The following SLC30A10 variants were observed in gnomAD, a reference collection of about 807,000 sequenced individuals.
The protein encoded by SLC30A10 is calcium/manganese antiporter SLC30A10.
A neutral mutation model predicts 21.7 loss-of-function variants in SLC30A10; 8 were observed. That is an observed-to-expected ratio of 0.37 (90% CI 0.22 to 0.67). The LOEUF (loss-of-function observed/expected upper bound fraction) is 0.67. SLC30A10 is among the 30% of genes least tolerant of loss of function. The pLI, the probability that SLC30A10 is intolerant of heterozygous loss-of-function variation, is 0.58. For synonymous variants in SLC30A10, 272 were observed against 279.4 expected (o/e 0.97, Z 0.26); for missense variants, 521 against 642.5 (o/e 0.81, Z 2.04).
At chr1:219,934,949 G>A (rs559904912) in intron 1 of SLC30A10, among the ~76,000 whole-genome samples, 13 of 152,294 alleles carry the variant, frequency 8.5e-5, no homozygotes, top group African/African-American at 1.2e-4. Flanking sequence ...GTGAAAACAC[G>A]AAAATGAAAG....
intron 2 of SLC30A10, 116 bp downstream of exon 2, chr1:219,926,912 G>T: frequency 1.3e-6 from 1 of 752,192 alleles, no homozygotes. Context: ...GTCTATGCAT[G>T]TAACTGGCCT....
chr1:219,925,058 G>C (rs987566797), intron 2 of SLC30A10, among the ~76,000 whole-genome samples: 1 of 152,128 alleles, frequency 6.6e-6, no homozygotes, highest in African/African-American at 2.4e-5. Context: ...GCCCAGCCAG[G>C]TATAGCAAGG....
In SLC30A10 at chr1:219,911,149, G is replaced by GTTTTT; in HGVS notation, c.*4295_*4299dup. ...ATGTTTCTTCATTTTTTCTACATCA[G>GTTTTT]TTTTTTTTTTTTTTTTTTTTTTTTT... On this transcript the variant is annotated 3_prime_UTR_variant, in exon 4 of 4. Transcript: ENST00000366926. Among the ~76,000 whole-genome samples, 581 of 49,266 alleles carry GTTTTT rather than the reference G, an allele frequency of 0.012. 57 individuals are homozygous for GTTTTT. Among genetic ancestry groups the GTTTTT allele is most frequent in the African/African-American group, 0.026 (450 of 17,054 alleles). 32.3% of individuals were successfully genotyped at this position (49,266 alleles called of 152,430 possible).
At chr1:219,956,019 C>T (rs1166724089) in intron 1 of SLC30A10, among the ~76,000 whole-genome samples, 2 of 152,104 alleles carry the variant, frequency 1.3e-5, no homozygotes, top group Non-Finnish European at 2.9e-5. Flanking sequence ...AATATTTATT[C>T]TTTTCTTTAA....
intron 1 of SLC30A10, among the ~76,000 whole-genome samples, chr1:219,946,048 G>A (rs1660183725): frequency 6.6e-6 from 1 of 152,044 alleles, no homozygotes; most frequent in African/African-American, 2.4e-5. Context: ...ATAAACAGTG[G>A]TTTTGATTTC....
At chr1:219,930,411 T>C (rs1177081265), upstream of SLC30A10, among the ~76,000 whole-genome samples, 1 of 152,184 alleles carries the variant, frequency 6.6e-6, no homozygotes, top group Non-Finnish European at 1.5e-5. Context: ...AAGTCGAGAC[T>C]GCAGTGAGTC....
chr1:219,922,700 G>C lies in SLC30A10; in HGVS notation c.719-4206C>G, dbSNP rs142917575. On this transcript the variant is annotated intron_variant, in intron 2 of 3. Coordinates refer to ENST00000366926, the MANE Select transcript of SLC30A10 (RefSeq NM_018713.3). The stretch of plus-strand genomic sequence containing the variant: ...ACCTCCCTCAGAGGCTAGTTCTGTA[G>C]AGTATGTAAAAAAATGTCTGAAAAC... Among the ~76,000 whole-genome samples, 263 of 152,230 alleles carry C rather than the reference G, an allele frequency of 1.7e-3. 1 individual carries two copies. Among genetic ancestry groups the C allele is most frequent in the Non-Finnish European group, 2.8e-3 (190 of 68,018 alleles).
rs748865805 is a variant in SLC30A10 at position 219,915,478 on chromosome 1, G to C, written c.1429C>G (p.Gln477Glu). ...GQSLNKTQED[Q>E]CYVNRTHF ...AAATGCGTTCTGTTGACATAACATT[G>C]GTCCTCCTGAGTTTTGTTAAGACTT... The change falls in exon 4 of 4, where the codon CAA (glutamine) becomes GAA (glutamate). Residue 477 changes from glutamine to glutamate, a missense_variant. Transcript: ENST00000366926. 6.2e-7 allele frequency: 1 copy of C among 1,614,132 alleles called. No homozygotes were observed. Among genetic ancestry groups the C allele is most frequent in the Non-Finnish European group, 8.5e-7 (1 of 1,180,008 alleles).
At position 219,918,691 on chromosome 1, in the gene SLC30A10, G is replaced by T; in HGVS notation, c.719-197C>A. On this transcript the variant is annotated intron_variant, in intron 2 of 3. Transcript: ENST00000366926. This position sits in a 1 kb window ranked among gnomAD's most constrained non-coding sequence, Gnocchi z 4.4. The stretch of plus-strand genomic sequence containing the variant: ...ACAAAACCCCAGGCCACCATCGCAG[G>T]ACTCAGAGTACCTTGGAAGAGCAAC... 1 of 557,468 alleles carries T rather than the reference G, an allele frequency of 1.8e-6. No individual in the cohort carries two copies. Among genetic ancestry groups the T allele is most frequent in the Non-Finnish European group, 3.0e-6 (1 of 337,266 alleles). The allele number at this position is 557,468 out of a possible 1,614,324, so 34.5% of individuals were successfully genotyped here.
chr1:219,915,483 T>C lies in SLC30A10; in HGVS notation c.1424A>G (p.Glu475Gly). Residue 475 changes from glutamate to glycine, a missense_variant, in exon 4 of 4, where the codon GAG (glutamate) becomes GGG (glycine). Glu to Gly is a moderately conservative substitution (Grantham distance 98). Transcript: ENST00000366926. ...CGTTCTGTTGACATAACATTGGTCCTCCTGAGTTTTGTTAAGACTTTGTCC... is the reference window on the plus strand; with the variant it reads ...CGTTCTGTTGACATAACATTGGTCCCCCTGAGTTTTGTTAAGACTTTGTCC... ...DHGQSLNKTQ[E>G]DQCYVNRTHF 6.2e-7 allele frequency: 1 copy of C among 1,614,250 alleles called. No individual in the cohort carries two copies. Among genetic ancestry groups the C allele is most frequent in the Middle Eastern group, 1.6e-4 (1 of 6,062 alleles).
chr1:219,948,587 C>T (rs1409836016), intron 1 of SLC30A10, among the ~76,000 whole-genome samples: 2 of 151,892 alleles, frequency 1.3e-5, no homozygotes, highest in African/African-American at 4.8e-5. Flanking sequence ...GGATCCCTTC[C>T]TTACACCTTA....
intron 3 of SLC30A10, among the ~76,000 whole-genome samples, chr1:219,916,927 A>T (rs1486574394): frequency 6.6e-6 from 1 of 151,272 alleles, no homozygotes; most frequent in Non-Finnish European, 1.5e-5. Context: ...CATGTAGTAA[A>T]CGCTATGAAA....
upstream of SLC30A10, among the ~76,000 whole-genome samples, chr1:219,929,593 T>G (rs1024356459): frequency 6.6e-6 from 1 of 152,102 alleles, no homozygotes; most frequent in African/African-American, 2.4e-5. Flanking sequence ...CCATCTCGGC[T>G]CACTGCAACC....
intron 1 of SLC30A10, among the ~76,000 whole-genome samples, chr1:219,941,943 C>A (rs1660129098): frequency 6.6e-6 from 1 of 152,218 alleles, no homozygotes; most frequent in African/African-American, 2.4e-5. Flanking sequence ...CCTAAGTACC[C>A]AGGTCTTGGC....
intron 1 of SLC30A10, among the ~76,000 whole-genome samples, chr1:219,946,967 T>C (rs1660193244): frequency 6.6e-6 from 1 of 152,180 alleles, no homozygotes; most frequent in Non-Finnish European, 1.5e-5. Context: ...CTGGTCAGCA[T>C]GTGTGGAGCT....
intron 2 of SLC30A10, among the ~76,000 whole-genome samples, chr1:219,923,190 A>G (rs563268770): frequency 1.1e-4 from 16 of 152,322 alleles, no homozygotes; most frequent in African/African-American, 3.8e-4. Context: ...GATCACATCT[A>G]TGATTCAGAA....
At position 219,913,737 on chromosome 1, in the gene SLC30A10, T is replaced by C. The variant is rs1489662817; in HGVS notation, c.*1712A>G. On this transcript the variant is annotated 3_prime_UTR_variant, in exon 4 of 4. Transcript: ENST00000366926. ...AAAACATTTTTAGGCATTTTTCTAT[T>C]TACCTACTTCACAGCCAATTTAAAC... 1.3e-5 allele frequency: 2 copies of C among 152,190 alleles called. No homozygotes were observed. Among genetic ancestry groups the C allele is most frequent in the Admixed American group, 6.5e-5 (1 of 15,282 alleles). 9.4% of individuals were successfully genotyped at this position (152,190 alleles called of 1,614,324 possible). A position where few individuals can be genotyped will look rare whatever the true frequency, so the allele number is the denominator to read the frequency against.
Position 219,928,120 on chromosome 1 carries a change from G to C in SLC30A10, c.321C>G (p.Pro107=), listed in dbSNP as rs1251246400. ...FVEAVLRLAR[P]ERIDDPELVL... ...CCAGCTCGGGGTCATCGATGCGCTC[G>C]GGCCGGGCCAGGCGCAGCACGGCCT... is the stretch of plus-strand genomic sequence containing the variant. Residue 107 remains proline, a synonymous_variant, in exon 1 of 4, where the codon CCC becomes CCG. Coordinates refer to ENST00000366926, the MANE Select transcript of SLC30A10 (RefSeq NM_018713.3). The surrounding 1 kb of genome is among the most constrained non-coding windows in gnomAD (Gnocchi z 6.3). 7 of 1,569,482 alleles carry C rather than the reference G, an allele frequency of 4.5e-6. 1 individual carries two copies. Among genetic ancestry groups the C allele is most frequent in the South Asian group, 2.3e-5 (2 of 85,350 alleles).
intron 2 of SLC30A10, among the ~76,000 whole-genome samples, chr1:219,919,442 C>T (rs1009160577): frequency 3.3e-5 from 5 of 152,090 alleles, no homozygotes; most frequent in Non-Finnish European, 7.4e-5. Flanking sequence ...TCTCAGGACC[C>T]ACCTCAGATC....
Sources: gnomAD v4.1 joint callset for allele counts (sites outside exome capture counted in the v4.1 genomes callset) on GRCh38, gnomAD v4.1.1 for gene constraint, Gnocchi (gnomAD v3.1) non-coding constraint, MANE v1.5 for transcripts, NCBI Gene and HGNC (gene_info 2026-07-23, HGNC 2026-07-21) for gene names.